Variants in ZNF550 observed in about 807,000 individuals in gnomAD.
ZNF550 encodes zinc finger protein 550.
In ZNF550, 42 loss-of-function variants were observed where a neutral mutation model predicts 40.2. The observed-to-expected ratio is 1.05, with a 90% CI of 0.82 to 1.35. The LOEUF (loss-of-function observed/expected upper bound fraction) is 1.35, where lower values mean the gene tolerates loss of function less well. Ranked by LOEUF, ZNF550 falls within the 40% of genes most tolerant of loss-of-function variation. The pLI, the probability that ZNF550 is intolerant of heterozygous loss-of-function variation, is 0.00. For missense variants in ZNF550, 549 were observed against 525.2 expected, an observed-to-expected ratio of 1.05 and a Z score of -0.44; for synonymous variants, 223 against 198.6, an observed-to-expected ratio of 1.12 and a Z score of -1.03.
exon 5 of ZNF550, chr19:57,543,171 T>G (rs1166863934): frequency 1.1e-6 from 1 of 891,504 alleles, no homozygotes; most frequent in African/African-American, 1.8e-5. Context: ...TTTCCTTCGG[T>G]GTTGTAGTTC....
chr19:57,550,007 G>A lies in ZNF550; in HGVS notation c.251-2014C>T, dbSNP rs147033534. Among the ~76,000 whole-genome samples, 380 of 152,302 alleles carry A rather than the reference G, an allele frequency of 2.5e-3. 3 individuals carry two copies. The highest frequency in any genetic ancestry group is 9.0e-3 in the African/African-American group (373 of 41,574). ...ATGAGGTTAAATGAGAAAATGCACA[G>A]TTCTTGATGCAGCGCAAGTGTTCAT... On this transcript the variant is annotated intron_variant, in intron 3 of 4. Coordinates refer to ENST00000457177, the Ensembl canonical transcript of ZNF550.
At chr19:57,542,937 GGA>G (rs71766679) in exon 5 of ZNF550, 28,903 of 152,082 alleles carry the variant, frequency 0.19, 2,811 homozygotes, top group African/African-American at 0.21. Context: ...CATCTTTTTT[GGA>G]GACACAAACA....
intron 4 of ZNF550, chr19:57,546,391 T>G (rs2090009848): frequency 5.6e-6 from 4 of 716,420 alleles, no homozygotes; most frequent in Non-Finnish European, 6.8e-6. Flanking sequence ...CTCTCAAACA[T>G]TCCCCTACCA....
At chr19:57,559,725 G>A (rs2090154499) in exon 1 of ZNF550, 1 of 1,441,298 alleles carries the variant, frequency 6.9e-7, no homozygotes, top group Non-Finnish European at 9.2e-7. Context: ...AGCTCCCACG[G>A]GCTCAAAACC....
exon 4 of ZNF550, chr19:57,547,127 A>G (rs1220249403): frequency 6.2e-7 from 1 of 1,613,924 alleles, no homozygotes; most frequent in Non-Finnish European, 8.5e-7. Context: ...CACTGGGTGC[A>G]TTCATAGGGC....
At chr19:57,558,258 CA>C (rs1382782113) in intron 1 of ZNF550, among the ~76,000 whole-genome samples, 1 of 152,146 alleles carries the variant, frequency 6.6e-6, no homozygotes, top group Non-Finnish European at 1.5e-5. Context: ...AGTGCAAGGG[CA>C]AAGGCTGAAA....
exon 4 of ZNF550, chr19:57,546,507 A>C: frequency 1.0e-6 from 1 of 989,320 alleles, no homozygotes; most frequent in Non-Finnish European, 1.2e-6. Flanking sequence ...AAGGTGGGTC[A>C]AATTCCAGCA....
At chr19:57,549,926 A>G (rs1599893233) in intron 3 of ZNF550, among the ~76,000 whole-genome samples, 1 of 152,190 alleles carries the variant, frequency 6.6e-6, no homozygotes, top group Non-Finnish European at 1.5e-5. Flanking sequence ...GACTTTCTCC[A>G]CCAGGTCTCC....
At chr19:57,544,384 C>T in intron 4 of ZNF550, 1 of 985,462 alleles carries the variant, frequency 1.0e-6, no homozygotes, top group Non-Finnish European at 1.2e-6. Flanking sequence ...GGCCTAGGTC[C>T]TCAGGCCTGG....
At chr19:57,546,745 T>A (rs929366249) in exon 4 of ZNF550, 109 of 1,307,742 alleles carry the variant, frequency 8.3e-5, no homozygotes, top group Non-Finnish European at 1.0e-4. Context: ...CTGCAATGAG[T>A]GAGAACTGAG....
chr19:57,546,880 C>T, exon 4 of ZNF550: 15 of 1,462,828 alleles, frequency 1.0e-5, no homozygotes, highest in South Asian at 3.1e-5. Context: ...TCTTTGCATT[C>T]GAAGGACTTC....
At chr19:57,545,477 G>T (rs181017808) in intron 4 of ZNF550, among the ~76,000 whole-genome samples, 17 of 152,278 alleles carry the variant, frequency 1.1e-4, no homozygotes, top group Non-Finnish European at 2.1e-4. Context: ...AAAGAATTAG[G>T]ACTCATCTGA....
At chr19:57,548,112 T>C (rs371474767) in intron 3 of ZNF550, 119 bp from the exon 4 acceptor site, 15 of 939,078 alleles carry the variant, frequency 1.6e-5, no homozygotes, top group East Asian at 1.3e-4. Context: ...CTTGCTGCAT[T>C]TTTACATCTC....
At chr19:57,556,115 G>A in intron 2 of ZNF550, 116 bp downstream of exon 2, 1 of 1,355,788 alleles carries the variant, frequency 7.4e-7, no homozygotes, top group Non-Finnish European at 1.1e-6. Context: ...GACCAGTCAG[G>A]AAGAGGTGGG....
At chr19:57,546,184 AAATTC>A (rs1350570488) in intron 4 of ZNF550, among the ~76,000 whole-genome samples, 1 of 152,158 alleles carries the variant, frequency 6.6e-6, no homozygotes, top group African/African-American at 2.4e-5. Context: ...AATTTCTACT[AAATTC>A]AAGAATCTCA....
rs1364614689 is a variant in ZNF550 at position 57,548,025 on chromosome 19, T to TTG, written c.251-33_251-32insCA. ...GGCATCAACAAACAAAGGAGGGGTCTTTTAGTGATAAAATATAGAAAAACA... is the reference window on the plus strand; with the variant it reads ...GGCATCAACAAACAAAGGAGGGGTCTTGTTTAGTGATAAAATATAGAAAAACA... On this transcript the variant is annotated intron_variant, in intron 3 of 4. Transcript: ENST00000457177. The TTG allele has an allele frequency of 1.1e-5, 18 of 1,566,746 alleles. No individual in the cohort carries two copies. In the South Asian group the frequency reaches 2.1e-4, roughly 18 times the overall value.
intron 1 of ZNF550, among the ~76,000 whole-genome samples, chr19:57,558,172 T>C (rs1361799637): frequency 6.6e-6 from 1 of 152,156 alleles, no homozygotes; most frequent in Non-Finnish European, 1.5e-5. Context: ...TGCTTTTAGC[T>C]ACAGCCAGCA....
intron 1 of ZNF550, chr19:57,556,911 G>GTGTT (rs1394447309): frequency 6.5e-6 from 1 of 153,620 alleles, no homozygotes; most frequent in Non-Finnish European, 1.4e-5. Flanking sequence ...TGTGCAGGAT[G>GTGTT]TGCCTTGGTA....
Position 57,548,460 on chromosome 19 carries a change from C to T in ZNF550, c.251-467G>A, listed in dbSNP as rs58867261. Reference sequence around the variant, plus strand: ...CAAAAGAATACATACAAATGGCCAACAGGTATATGAAAAACTGCTCAATAT... The same window carrying T: ...CAAAAGAATACATACAAATGGCCAATAGGTATATGAAAAACTGCTCAATAT... On this transcript the variant is annotated intron_variant, in intron 3 of 4. Coordinates refer to ENST00000457177, the Ensembl canonical transcript of ZNF550. Among the ~76,000 whole-genome samples, 843 of 152,242 alleles carry T rather than the reference C, an allele frequency of 5.5e-3. 5 individuals are homozygous for T. The highest frequency in any genetic ancestry group is 0.018 in the African/African-American group (742 of 41,538).
Sources: allele counts gnomAD v4.1 joint callset (sites outside exome capture counted in the v4.1 genomes callset), GRCh38; gene constraint gnomAD v4.1.1; transcripts MANE v1.5; gene names NCBI Gene and HGNC (gene_info 2026-07-23, HGNC 2026-07-21).